The following GRID2 variants were observed in gnomAD, a reference collection of about 807,000 sequenced individuals.
The protein encoded by GRID2 is glutamate receptor ionotropic, delta-2.
In GRID2, 33 loss-of-function variants were observed where a neutral mutation model predicts 114.8. The observed-to-expected ratio is 0.29, with a 90% confidence interval of 0.22 to 0.38. The LOEUF (loss-of-function observed/expected upper bound fraction) is 0.38. Among genes scored for constraint, GRID2 ranks in the 10% least tolerant of loss-of-function variants. GRID2 has a pLI of 1.00. For synonymous variants in GRID2, 505 were observed against 449.9 expected (o/e 1.12, Z -1.55); for missense variants, 1,184 against 1,257.7 (o/e 0.94, Z 0.89).
chr4:92,613,321 G>A lies in GRID2; in HGVS notation c.244+23035G>A, dbSNP rs78109566. Among the ~76,000 whole-genome samples the A allele has an allele frequency of 2.0e-5, 3 of 151,354 alleles. No homozygotes were observed. In the East Asian group the frequency reaches 5.8e-4, roughly 29 times the overall value. On this transcript the variant is annotated intron_variant, in intron 2 of 15. Coordinates refer to ENST00000282020, the MANE Select transcript of GRID2 (RefSeq NM_001510.4). ...TTTTACATATTACTGAATTTAGTTT[G>A]CCAATATTTTGTTAAGGACTCATGA...
intron 2 of GRID2, among the ~76,000 whole-genome samples, chr4:92,784,304 A>AT (rs1739220228): frequency 6.6e-6 from 1 of 151,950 alleles, no homozygotes; most frequent in Non-Finnish European, 1.5e-5. Flanking sequence ...CATTTTTATT[A>AT]TTTTAACAAA....
At chr4:92,582,278 C>A (rs6856480) in intron 1 of GRID2, among the ~76,000 whole-genome samples, 56,912 of 151,390 alleles carry the variant, frequency 0.38, 10,675 homozygotes, top group Middle Eastern at 0.46. Flanking sequence ...AACAACAAAA[C>A]TCCTTAGAAA....
At chr4:92,400,712 A>G (rs1730746924) in intron 1 of GRID2, among the ~76,000 whole-genome samples, 4 of 152,124 alleles carry the variant, frequency 2.6e-5, no homozygotes, top group Admixed American at 2.0e-4. Context: ...GCGCCATTTT[A>G]CATTACCACC....
chr4:92,559,657 C>CTATG (rs1018617969), intron 1 of GRID2, among the ~76,000 whole-genome samples: 1 of 152,156 alleles, frequency 6.6e-6, no homozygotes, highest in African/African-American at 2.4e-5. Context: ...AGGCTACTGT[C>CTATG]TATGCATAAA....
chr4:93,473,360 T>A (rs1344593296), intron 11 of GRID2, among the ~76,000 whole-genome samples: 1 of 152,162 alleles, frequency 6.6e-6, no homozygotes, highest in African/African-American at 2.4e-5. Flanking sequence ...TACTTCATAT[T>A]TGAACATTTC....
chr4:93,163,845 A>G lies in GRID2; in HGVS notation c.736-43559A>G, dbSNP rs115150348. Among the ~76,000 whole-genome samples, 690 of 152,138 alleles carry G rather than the reference A, an allele frequency of 4.5e-3. 5 individuals carry two copies. Among genetic ancestry groups the G allele is most frequent in the African/African-American group, 0.016 (662 of 41,530 alleles). On this transcript the variant is annotated intron_variant, in intron 4 of 15. Transcript: ENST00000282020. ...CTGCAAATGCCCCTGTAACATAACT[A>G]GTACTGGACAGAATGTAAGAGTTAT...
rs766291088 is a variant in GRID2, at chr4:92,669,083, T to C, written c.244+78797T>C. On this transcript the variant is annotated intron_variant, in intron 2 of 15. Coordinates refer to ENST00000282020, the MANE Select transcript of GRID2 (RefSeq NM_001510.4). ...CGGTTTTAAAAAATTAAAATTTACC[T>C]CTCCTAAACATTTTCTGCCTTTGAA... is the stretch of plus-strand genomic sequence containing the variant. Among the ~76,000 whole-genome samples the C allele has an allele frequency of 5.1e-4, 78 of 151,926 alleles. 1 individual carries two copies. The highest frequency in any genetic ancestry group is 1.7e-3 in the Admixed American group (26 of 15,204).
chr4:92,490,669 G>T (rs572496455), intron 1 of GRID2, among the ~76,000 whole-genome samples: 2 of 152,212 alleles, frequency 1.3e-5, no homozygotes, highest in South Asian at 4.2e-4. Flanking sequence ...TGCTGATTCT[G>T]AATTCCCAGT....
intron 5 of GRID2, among the ~76,000 whole-genome samples, chr4:93,213,432 G>C (rs1579310139): frequency 6.6e-6 from 1 of 151,922 alleles, no homozygotes; most frequent in South Asian, 2.1e-4. Flanking sequence ...AAAGTATTCT[G>C]GTGTCTAGAA....
At chr4:93,746,716 A>G (rs1731867562) in intron 14 of GRID2, among the ~76,000 whole-genome samples, 1 of 152,158 alleles carries the variant, frequency 6.6e-6, no homozygotes, top group African/African-American at 2.4e-5. Flanking sequence ...AATATATTGC[A>G]ATACAATATT....
At position 93,666,551 on chromosome 4, in the gene GRID2, A is replaced by T. The variant is rs561238182; in HGVS notation, c.2360+40116A>T. ...TGCCTTCCTGTGGAAGCCATTCTAT[A>T]AACACTGTTGAATTAATTACATGGT... On this transcript the variant is annotated intron_variant, in intron 14 of 15. Transcript: ENST00000282020. 7.2e-5 allele frequency among the ~76,000 whole-genome samples: 11 copies of T among 152,154 alleles called. No individual in the cohort carries two copies. In the South Asian group the frequency reaches 2.3e-3, roughly 32 times the overall value.
chr4:93,269,574 G>A (rs1205900688), intron 8 of GRID2, among the ~76,000 whole-genome samples: 1 of 152,206 alleles, frequency 6.6e-6, no homozygotes, highest in African/African-American at 2.4e-5. Flanking sequence ...TCCTAGAGAA[G>A]TGTTATTTCC....
intron 4 of GRID2, among the ~76,000 whole-genome samples, chr4:93,182,175 T>G (rs1379452389): frequency 6.6e-6 from 1 of 152,146 alleles, no homozygotes; most frequent in Non-Finnish European, 1.5e-5. Context: ...CCAAATCTAA[T>G]CTAAATGGTA....
intron 1 of GRID2, among the ~76,000 whole-genome samples, chr4:92,458,366 T>C (rs75344334): frequency 0.013 from 1,933 of 152,250 alleles, 36 homozygotes; most frequent in African/African-American, 0.037. Flanking sequence ...CCTTTGTCAT[T>C]TCATATAAAT....
intron 1 of GRID2, among the ~76,000 whole-genome samples, chr4:92,490,452 T>C (rs1402284037): frequency 6.6e-6 from 1 of 152,220 alleles, no homozygotes; most frequent in Non-Finnish European, 1.5e-5. Context: ...TTAGGCTTTA[T>C]TAAGCTGAAC....
chr4:93,758,556 G>GT (rs1732951414), intron 14 of GRID2, among the ~76,000 whole-genome samples: 1 of 152,134 alleles, frequency 6.6e-6, no homozygotes, highest in Non-Finnish European at 1.5e-5. Context: ...TAAGGAAAAT[G>GT]TTTGTCTCTT....
intron 8 of GRID2, among the ~76,000 whole-genome samples, chr4:93,385,811 C>T (rs557054542): frequency 5.3e-5 from 8 of 152,042 alleles, no homozygotes; most frequent in East Asian, 1.9e-4. Context: ...ATTTTCAGAT[C>T]GAGAAACTAA....
chr4:92,338,122 G>A (rs1164489806), intron 1 of GRID2, among the ~76,000 whole-genome samples: 11 of 152,054 alleles, frequency 7.2e-5, no homozygotes, highest in African/African-American at 2.7e-4. Flanking sequence ...GTAGGATTTT[G>A]ATATATACTT....
chr4:93,020,004 A>C (rs1390962612), intron 2 of GRID2, among the ~76,000 whole-genome samples: 4 of 152,184 alleles, frequency 2.6e-5, no homozygotes, highest in African/African-American at 9.7e-5. Flanking sequence ...TCTACTACTT[A>C]TTAATTCTGT....
Sources: gnomAD v4.1 joint callset for allele counts (sites outside exome capture counted in the v4.1 genomes callset) on GRCh38, gnomAD v4.1.1 for gene constraint, MANE v1.5 for transcripts, NCBI Gene and HGNC (gene_info 2026-07-23, HGNC 2026-07-21) for gene names.